NTRK3: variants seen among roughly 807,000 people sequenced by gnomAD.
NTRK3 encodes neurotrophic receptor tyrosine kinase 3.
In NTRK3, 24 loss-of-function variants were observed where a neutral mutation model predicts 91.7. The ratio of observed to expected loss-of-function variants is 0.26; its 90% CI spans 0.19 to 0.37. The LOEUF (loss-of-function observed/expected upper bound fraction) is 0.37, where lower values mean the gene tolerates loss of function less well. Among genes scored for constraint, NTRK3 ranks in the 10% least tolerant of loss-of-function variants. The probability of loss-of-function intolerance (pLI) is 1.00; values close to 1 mark genes in which losing one functional copy is unlikely to be tolerated. For missense variants in NTRK3, 880 were observed against 1,068.9 expected (o/e 0.82, Z 2.46); for synonymous variants, 483 against 404.0 (o/e 1.20, Z -2.34).
At chr15:88,112,492 G>A (rs2051520639) in intron 13 of NTRK3, among the ~76,000 whole-genome samples, 1 of 151,820 alleles carries the variant, frequency 6.6e-6, no homozygotes, top group Non-Finnish European at 1.5e-5. Flanking sequence ...CTGGGGTGGG[G>A]AGAAGACAGA....
chr15:88,193,100 T>C (rs1378349868), intron 3 of NTRK3, among the ~76,000 whole-genome samples: 1 of 152,184 alleles, frequency 6.6e-6, no homozygotes. Context: ...AGTATACACC[T>C]GGAAAGCCAT....
intron 17 of NTRK3, among the ~76,000 whole-genome samples, chr15:87,884,030 AAAGT>A (rs2065397717): frequency 1.3e-5 from 2 of 150,988 alleles, no homozygotes; most frequent in Non-Finnish European, 3.0e-5. Flanking sequence ...AAATGCAAGA[AAAGT>A]AAGAAGAAAT....
chr15:88,114,395 A>T (rs1006207304), intron 13 of NTRK3, among the ~76,000 whole-genome samples: 6 of 152,240 alleles, frequency 3.9e-5, no homozygotes, highest in Non-Finnish European at 7.3e-5. Context: ...AGGTATGTGT[A>T]TAAAAATATT....
intron 17 of NTRK3, among the ~76,000 whole-genome samples, chr15:87,923,797 G>C (rs2068068101): frequency 6.6e-6 from 1 of 152,142 alleles, no homozygotes; most frequent in South Asian, 2.1e-4. Context: ...CTCATGAATG[G>C]ATTAATGTTG....
At chr15:88,112,060 C>T (rs540907132) in intron 13 of NTRK3, among the ~76,000 whole-genome samples, 1 of 152,100 alleles carries the variant, frequency 6.6e-6, no homozygotes, top group Non-Finnish European at 1.5e-5. Context: ...GCACCCGCCA[C>T]CACGCCCAGC....
At chr15:88,109,098 A>G (rs557728364) in intron 13 of NTRK3, among the ~76,000 whole-genome samples, 1 of 152,320 alleles carries the variant, frequency 6.6e-6, no homozygotes, top group East Asian at 1.9e-4. Flanking sequence ...CCCCCAATCC[A>G]TGGGGAGTCT....
At chr15:88,006,827 T>C (rs910739079) in intron 14 of NTRK3, among the ~76,000 whole-genome samples, 1 of 152,186 alleles carries the variant, frequency 6.6e-6, no homozygotes, top group Non-Finnish European at 1.5e-5. Flanking sequence ...GCACAGCCCA[T>C]GACGGCTAGT....
intron 14 of NTRK3, among the ~76,000 whole-genome samples, chr15:87,991,334 C>G (rs1351889623): frequency 2.0e-5 from 3 of 152,164 alleles, no homozygotes; most frequent in African/African-American, 7.2e-5. Context: ...CCAAAACCTA[C>G]CGGATTGGGA....
At chr15:88,126,812 G>T (rs1384460733) in intron 12 of NTRK3, among the ~76,000 whole-genome samples, 3 of 152,178 alleles carry the variant, frequency 2.0e-5, no homozygotes, top group Non-Finnish European at 4.4e-5. Context: ...CTCTGAAATA[G>T]TAGGAGTGGG....
chr15:88,249,486 G>C (rs2053151619), intron 3 of NTRK3, among the ~76,000 whole-genome samples: 1 of 152,150 alleles, frequency 6.6e-6, no homozygotes, highest in South Asian at 2.1e-4. Context: ...AGTGTGCCCG[G>C]GAAGAGAAGT....
intron 17 of NTRK3, among the ~76,000 whole-genome samples, chr15:87,891,323 G>A (rs2141572208): frequency 6.6e-6 from 1 of 152,186 alleles, no homozygotes; most frequent in South Asian, 2.1e-4. Flanking sequence ...ACACAATTAG[G>A]CTTATTTGTT....
intron 3 of NTRK3, among the ~76,000 whole-genome samples, chr15:88,202,009 T>TAA (rs111722254): frequency 0.03 from 4,464 of 147,994 alleles, 209 homozygotes; most frequent in African/African-American, 0.095. Context: ...TCTGGATTCC[T>TAA]AAAAAAAAAA....
chr15:88,108,573 C>T (rs1338675686), intron 13 of NTRK3, among the ~76,000 whole-genome samples: 1 of 152,184 alleles, frequency 6.6e-6, no homozygotes, highest in Admixed American at 6.5e-5. Flanking sequence ...CTTGGAAGCC[C>T]TTAATCCAAA....
intron 13 of NTRK3, among the ~76,000 whole-genome samples, chr15:88,033,802 T>C (rs900308462): frequency 6.6e-6 from 1 of 152,194 alleles, no homozygotes; most frequent in Non-Finnish European, 1.5e-5. Flanking sequence ...CAAGTCCAAA[T>C]TAGTTCAAAA....
At chr15:88,115,086 T>C (rs1417838858) in intron 13 of NTRK3, among the ~76,000 whole-genome samples, 2 of 152,186 alleles carry the variant, frequency 1.3e-5, no homozygotes, top group Non-Finnish European at 2.9e-5. Context: ...GCATGGGCTT[T>C]TGTGATTTTA....
intron 3 of NTRK3, among the ~76,000 whole-genome samples, chr15:88,227,915 G>A (rs2050822199): frequency 2.0e-5 from 3 of 152,176 alleles, no homozygotes; most frequent in Middle Eastern, 6.8e-3. Flanking sequence ...ATGGAAACAG[G>A]GTTCTCACCT....
At chr15:88,057,136 T>C (rs960824695) in intron 13 of NTRK3, among the ~76,000 whole-genome samples, 3 of 136,680 alleles carry the variant, frequency 2.2e-5, no homozygotes, top group Non-Finnish European at 4.6e-5. Context: ...GCCACTGCAC[T>C]CCAGCCTGGG....
chr15:87,904,879 A>C (rs1251993619), intron 17 of NTRK3, among the ~76,000 whole-genome samples: 1 of 152,210 alleles, frequency 6.6e-6, no homozygotes, highest in Non-Finnish European at 1.5e-5. Flanking sequence ...AGAAAAGCTA[A>C]TTTGCTTGCT....
intron 16 of NTRK3, among the ~76,000 whole-genome samples, chr15:87,930,106 C>T (rs1246863289): frequency 6.6e-6 from 1 of 151,976 alleles, no homozygotes; most frequent in Non-Finnish European, 1.5e-5. Flanking sequence ...GCTCAGTGGC[C>T]CTGGGACACT....
Sources: allele counts gnomAD v4.1 joint callset (sites outside exome capture counted in the v4.1 genomes callset), GRCh38; gene constraint gnomAD v4.1.1; transcripts MANE v1.5; gene names NCBI Gene and HGNC (gene_info 2026-07-23, HGNC 2026-07-21).